The following OSTF1 variants were observed in gnomAD, a reference collection of about 807,000 sequenced individuals.
OSTF1 encodes osteoclast-stimulating factor 1.
Under a neutral mutation model 37.2 loss-of-function variants are expected in OSTF1, and 27 were observed. That is an observed-to-expected ratio of 0.73 (90% CI 0.54 to 1.00). The LOEUF (loss-of-function observed/expected upper bound fraction) is 1.00. Among genes scored for constraint, OSTF1 ranks in the 50% least tolerant of loss-of-function variants. The pLI, the probability that OSTF1 is intolerant of heterozygous loss-of-function variation, is 0.00. For synonymous variants in OSTF1, 82 were observed against 89.2 expected (o/e 0.92, Z 0.46); for missense variants, 232 against 253.8 (o/e 0.91, Z 0.58).
intron 9 of OSTF1, among the ~76,000 whole-genome samples, chr9:75,143,316 CGAGTT>C (rs1351161567): frequency 3.3e-5 from 5 of 152,100 alleles, no homozygotes; most frequent in African/African-American, 1.2e-4. Flanking sequence ...GGGTTATACT[CGAGTT>C]GAGCCCTTTA....
chr9:75,126,134 C>T (rs1481716687), intron 2 of OSTF1, among the ~76,000 whole-genome samples: 2 of 151,954 alleles, frequency 1.3e-5, no homozygotes, highest in African/African-American at 2.4e-5. Context: ...AGGCTGGTCT[C>T]GAACGCCTGT....
intron 9 of OSTF1, among the ~76,000 whole-genome samples, chr9:75,142,719 T>C (rs1178516315): frequency 3.3e-5 from 5 of 152,204 alleles, no homozygotes; most frequent in Non-Finnish European, 7.3e-5. Context: ...ATAGATTCAT[T>C]AATGAGGTAA....
chr9:75,132,421 C>G (rs569126556), intron 5 of OSTF1, among the ~76,000 whole-genome samples: 22 of 152,094 alleles, frequency 1.4e-4, no homozygotes, highest in Non-Finnish European at 2.8e-4. Flanking sequence ...TCACAAACCC[C>G]GAGGGTATTT....
At chr9:75,098,303 G>C (rs1825124544) in intron 1 of OSTF1, among the ~76,000 whole-genome samples, 1 of 152,188 alleles carries the variant, frequency 6.6e-6, no homozygotes. Context: ...CATAAGTCCA[G>C]ATTTCCATGA....
intron 1 of OSTF1, 152 bp downstream of exon 1, chr9:75,088,878 CGT>C: frequency 1.5e-6 from 1 of 689,606 alleles, no homozygotes; most frequent in South Asian, 1.6e-5. Flanking sequence ...CTTAGTTTTG[CGT>C]TCGCTGTTAC....
chr9:75,094,327 T>C (rs945847984), intron 1 of OSTF1, among the ~76,000 whole-genome samples: 2 of 152,008 alleles, frequency 1.3e-5, no homozygotes, highest in African/African-American at 4.8e-5. Flanking sequence ...TAAATCGTTA[T>C]GAATGACAGA....
intron 9 of OSTF1, among the ~76,000 whole-genome samples, chr9:75,142,151 A>G (rs906432748): frequency 1.1e-4 from 16 of 152,198 alleles, no homozygotes; most frequent in Non-Finnish European, 8.8e-5. Context: ...GTATTCCTTA[A>G]TTAATCCATG....
intron 1 of OSTF1, among the ~76,000 whole-genome samples, chr9:75,111,960 A>G (rs1165370515): frequency 6.6e-6 from 1 of 150,816 alleles, no homozygotes; most frequent in African/African-American, 2.4e-5. Context: ...AGTAGCTGGG[A>G]TTACAGGTGT....
intron 9 of OSTF1, 62 bp downstream of exon 9, chr9:75,140,994 A>G (rs760900695): frequency 6.3e-5 from 76 of 1,209,972 alleles, no homozygotes; most frequent in Non-Finnish European, 9.0e-5. Flanking sequence ...ATTAACTTAG[A>G]ATGGCGCAAA....
At chr9:75,139,919 A>C (rs545278342) in intron 8 of OSTF1, among the ~76,000 whole-genome samples, 43 of 152,368 alleles carry the variant, frequency 2.8e-4, no homozygotes, top group African/African-American at 9.4e-4. Flanking sequence ...ACGTGTGAAC[A>C]AAGATGTTGT....
At chr9:75,106,047 C>G (rs1388558153) in intron 1 of OSTF1, among the ~76,000 whole-genome samples, 1 of 152,204 alleles carries the variant, frequency 6.6e-6, no homozygotes, top group East Asian at 1.9e-4. Flanking sequence ...CAGCTGAAAT[C>G]AAGACATGTT....
intron 7 of OSTF1, among the ~76,000 whole-genome samples, chr9:75,134,651 C>T (rs534863441): frequency 1.3e-5 from 2 of 152,196 alleles, no homozygotes; most frequent in South Asian, 2.1e-4. Flanking sequence ...ACGGAGCTAT[C>T]TCGCCATGCA....
At chr9:75,096,199 C>A (rs1162944557) in intron 1 of OSTF1, among the ~76,000 whole-genome samples, 1 of 152,134 alleles carries the variant, frequency 6.6e-6, no homozygotes, top group Non-Finnish European at 1.5e-5. Context: ...GACATGCCCC[C>A]TCCTTTTTAT....
At chr9:75,100,335 A>G (rs1442916161) in intron 1 of OSTF1, among the ~76,000 whole-genome samples, 1 of 152,088 alleles carries the variant, frequency 6.6e-6, no homozygotes, top group Non-Finnish European at 1.5e-5. Flanking sequence ...AAAAGATTCC[A>G]TTGTCTCCAT....
chr9:75,093,388 T>G (rs1287439235), intron 1 of OSTF1, among the ~76,000 whole-genome samples: 1 of 152,214 alleles, frequency 6.6e-6, no homozygotes, highest in Non-Finnish European at 1.5e-5. Context: ...TATTTTATTC[T>G]GAGAGTAAGA....
At chr9:75,104,007 C>T (rs1023056769) in intron 1 of OSTF1, among the ~76,000 whole-genome samples, 2 of 151,980 alleles carry the variant, frequency 1.3e-5, no homozygotes, top group African/African-American at 2.4e-5. Flanking sequence ...GTGGGTAGAT[C>T]GCTTGAAGTC....
intron 2 of OSTF1, among the ~76,000 whole-genome samples, chr9:75,118,914 A>G (rs1825535647): frequency 6.6e-6 from 1 of 152,176 alleles, no homozygotes; most frequent in Admixed American, 6.5e-5. Context: ...CAGCAAAACC[A>G]TATCAAGGGG....
intron 1 of OSTF1, among the ~76,000 whole-genome samples, chr9:75,100,725 G>A (rs13289531): frequency 0.024 from 3,479 of 142,948 alleles, 66 homozygotes; most frequent in Middle Eastern, 0.046. Context: ...AGTGAGACTC[G>A]TCTCAAAAAA....
chr9:75,123,276 G>T (rs968076766), intron 2 of OSTF1, among the ~76,000 whole-genome samples: 2 of 152,162 alleles, frequency 1.3e-5, no homozygotes, highest in African/African-American at 4.8e-5. Context: ...AAAAAAATCA[G>T]CCGGGCGAGG....
Sources: gnomAD v4.1 joint callset for allele counts (sites outside exome capture counted in the v4.1 genomes callset) on GRCh38, gnomAD v4.1.1 for gene constraint, MANE v1.5 for transcripts, NCBI Gene and HGNC (gene_info 2026-07-23, HGNC 2026-07-21) for gene names.